Variants in FKBP5 observed in about 807,000 individuals in gnomAD.
FKBP5 encodes FKBP prolyl isomerase 5.
A neutral mutation model predicts 50.5 loss-of-function variants in FKBP5; 23 were observed. The observed-to-expected ratio is 0.46, with a 90% CI of 0.33 to 0.65. FKBP5 has a LOEUF of 0.65. Ranked by LOEUF, FKBP5 falls within the 30% of genes least tolerant of loss-of-function variation. The pLI is 0.02. For synonymous variants in FKBP5, 176 were observed against 190.6 expected, an observed-to-expected ratio of 0.92 and a Z score of 0.63; for missense variants, 411 against 553.1, an observed-to-expected ratio of 0.74 and a Z score of 2.58.
chr6:35,643,271 A>G (rs1369419972), intron 1 of FKBP5, among the ~76,000 whole-genome samples: 2 of 152,214 alleles, frequency 1.3e-5, no homozygotes, highest in Non-Finnish European at 2.9e-5. Flanking sequence ...TTAGAATCCA[A>G]CAGACCCAAG....
At chr6:35,586,991 T>A (rs780117128) in intron 8 of FKBP5, 43 bp downstream of exon 8, 3 of 1,613,516 alleles carry the variant, frequency 1.9e-6, no homozygotes, top group Non-Finnish European at 2.5e-6. Context: ...AACACTTGAA[T>A]AAATTCTTTG....
chr6:35,695,628 CTATTAGAACTAACAAACAAA>C (rs932571017), intron 2 of FKBP5, among the ~76,000 whole-genome samples: 1 of 152,170 alleles, frequency 6.6e-6, no homozygotes, highest in African/African-American at 2.4e-5. Flanking sequence ...TACTAAAAAA[CTATTAGAACTAACAAACAAA>C]TTCAGCAAGG....
intron 2 of FKBP5, among the ~76,000 whole-genome samples, chr6:35,709,209 C>A (rs1179367112): frequency 6.6e-6 from 1 of 152,142 alleles, no homozygotes; most frequent in African/African-American, 2.4e-5. Context: ...GCGAAGAGTG[C>A]TTGCACGGGA....
chr6:35,587,048 T>C lies in FKBP5; in HGVS notation c.826A>G (p.Thr276Ala). 1 of 1,613,906 alleles carries C rather than the reference T, an allele frequency of 6.2e-7. No individual in the cohort carries two copies. The highest frequency in any genetic ancestry group is 1.3e-5 in the African/African-American group (1 of 75,032). The part of the protein sequence containing the change: ...EQAAIVKEKG[T>A]VYFKGGKYMQ... ...GACTCACACACCTTGAAGTATACGGTTCCCTTCTCTTTGACAATGGCAGCC... is the reference window on the plus strand; with the variant it reads ...GACTCACACACCTTGAAGTATACGGCTCCCTTCTCTTTGACAATGGCAGCC... The change falls in exon 8 of 11, where the codon ACC (threonine) becomes GCC (alanine). Residue 276 changes from threonine to alanine, a missense_variant. Thr to Ala is a moderately conservative substitution (Grantham distance 58). This residue lies in a region of FKBP5 where 267 missense variants were observed against 405.9 expected (regional missense o/e 0.66). Transcript: ENST00000357266.
At chr6:35,689,110 T>G (rs1765930469), upstream of FKBP5, among the ~76,000 whole-genome samples, 1 of 152,080 alleles carries the variant, frequency 6.6e-6, no homozygotes, top group African/African-American at 2.4e-5. Context: ...CCCCCATCAT[T>G]TGCTCCTCCA....
chr6:35,677,433 G>C (rs1378830147), intron 1 of FKBP5, among the ~76,000 whole-genome samples: 1 of 152,198 alleles, frequency 6.6e-6, no homozygotes, highest in Non-Finnish European at 1.5e-5. Flanking sequence ...CATGGGATAA[G>C]AAGAGAGTCT....
intron 3 of FKBP5, among the ~76,000 whole-genome samples, chr6:35,632,130 G>A (rs1764179716): frequency 6.6e-6 from 1 of 152,010 alleles, no homozygotes; most frequent in Non-Finnish European, 1.5e-5. Flanking sequence ...TTTTAAATGG[G>A]CTATGACCAG....
rs921152073 is a variant in FKBP5, at chr6:35,579,160, A to G, written c.1026+876T>C. Among the ~76,000 whole-genome samples the G allele has an allele frequency of 6.7e-5, 10 of 148,330 alleles. No homozygotes were observed. The South Asian group carries it at 1.5e-3, about 22-fold the overall frequency. On this transcript the variant is annotated intron_variant, in intron 9 of 10. Coordinates refer to ENST00000357266, the MANE Select transcript of FKBP5 (RefSeq NM_004117.4). Reference sequence around the variant, plus strand: ...ACAAAACACACACACGCGCGCGCGCACACACTCTCTCTCTCTCTCTCTCCG... The same window carrying G: ...ACAAAACACACACACGCGCGCGCGCGCACACTCTCTCTCTCTCTCTCTCCG...
intron 2 of FKBP5, among the ~76,000 whole-genome samples, chr6:35,713,378 C>T (rs1474530604): frequency 6.6e-6 from 1 of 152,168 alleles, no homozygotes. Flanking sequence ...ACAATATTAG[C>T]TAATGTCTAC....
At chr6:35,613,096 CACAGAAATG>C (rs1416494424) in intron 5 of FKBP5, among the ~76,000 whole-genome samples, 1 of 152,240 alleles carries the variant, frequency 6.6e-6, no homozygotes, top group Non-Finnish European at 1.5e-5. Context: ...TGTCTCTTTA[CACAGAAATG>C]ACAGAAATTT....
In FKBP5 at chr6:35,574,670, T is replaced by A. The variant is rs975474330; in HGVS notation, c.*1165A>T. ...TCAAACCTGCAGGTGAAACCCCTAGTGTAGAAGAGCAACTATTTATTTGTC... is the reference window on the plus strand; with the variant it reads ...TCAAACCTGCAGGTGAAACCCCTAGAGTAGAAGAGCAACTATTTATTTGTC... On this transcript the variant is annotated 3_prime_UTR_variant, in exon 11 of 11. Transcript: ENST00000357266. The A allele has an allele frequency of 2.0e-5, 3 of 152,616 alleles. No individual in the cohort carries two copies. Among genetic ancestry groups the A allele is most frequent in the Non-Finnish European group, 4.4e-5 (3 of 68,038 alleles). 9.5% of individuals were successfully genotyped at this position (152,616 alleles called of 1,614,324 possible).
chr6:35,642,876 A>T (rs1213792342), intron 1 of FKBP5, 33 bp from the exon 2 acceptor site: 7 of 1,483,114 alleles, frequency 4.7e-6, no homozygotes, highest in Non-Finnish European at 5.6e-6. Context: ...AGCTGGGAAA[A>T]ATATCACTTC....
intron 2 of FKBP5, among the ~76,000 whole-genome samples, chr6:35,641,326 T>C (rs1764481838): frequency 6.6e-6 from 1 of 152,118 alleles, no homozygotes; most frequent in Non-Finnish European, 1.5e-5. Context: ...AGAAGCACAC[T>C]CTAAAATAAT....
At chr6:35,653,371 T>G (rs1764865259) in intron 1 of FKBP5, among the ~76,000 whole-genome samples, 1 of 152,056 alleles carries the variant, frequency 6.6e-6, no homozygotes, top group Non-Finnish European at 1.5e-5. Flanking sequence ...AAAGATGGAT[T>G]CTAGGACTGT....
chr6:35,613,294 A>T (rs981603825), intron 5 of FKBP5, among the ~76,000 whole-genome samples: 2 of 152,084 alleles, frequency 1.3e-5, no homozygotes, highest in African/African-American at 2.4e-5. Context: ...TGCTCACTGC[A>T]ACCTCCACCT....
chr6:35,700,102 C>T, intron 2 of FKBP5, among the ~76,000 whole-genome samples: 1 of 152,100 alleles, frequency 6.6e-6, no homozygotes, highest in Admixed American at 6.5e-5. Flanking sequence ...GAATTGTGTC[C>T]AGCTGGATTT....
intron 2 of FKBP5, among the ~76,000 whole-genome samples, chr6:35,715,867 A>G (rs1349687054): frequency 6.6e-6 from 1 of 152,190 alleles, no homozygotes; most frequent in African/African-American, 2.4e-5. Flanking sequence ...AAACCTGAAG[A>G]TGGGATCCTT....
In FKBP5 at chr6:35,575,302, CATG is replaced by C. The variant is rs1762177739; in HGVS notation, c.*530_*532del. Reference sequence around the variant, plus strand: ...TGACACTGCTGTGGAACTGGGGAGACATGAGACCCCTCTACTGTGGGTTCTGTT... The same window carrying C: ...TGACACTGCTGTGGAACTGGGGAGACAGACCCCTCTACTGTGGGTTCTGTT... On this transcript the variant is annotated 3_prime_UTR_variant, in exon 11 of 11. Coordinates refer to ENST00000357266, the MANE Select transcript of FKBP5 (RefSeq NM_004117.4). 1.3e-5 allele frequency: 2 copies of C among 153,242 alleles called. No individual in the cohort carries two copies. Among genetic ancestry groups the C allele is most frequent in the South Asian group, 4.1e-4 (2 of 4,872 alleles). 9.5% of individuals were successfully genotyped at this position (153,242 alleles called of 1,614,324 possible).
intron 6 of FKBP5, among the ~76,000 whole-genome samples, chr6:35,591,649 T>C (rs531544151): frequency 6.6e-6 from 1 of 152,304 alleles, no homozygotes; most frequent in East Asian, 1.9e-4. Context: ...AGAGTGGTAC[T>C]CACGGGAGGT....
Sources: allele counts gnomAD v4.1 joint callset (sites outside exome capture counted in the v4.1 genomes callset), GRCh38; gene constraint gnomAD v4.1.1; regional missense constraint gnomAD v4.1.1; transcripts MANE v1.5; gene names NCBI Gene and HGNC (gene_info 2026-07-23, HGNC 2026-07-21).